The following CNTLN variants were observed in gnomAD, a reference collection of about 807,000 sequenced individuals.
CNTLN encodes the protein centlein, centrosomal protein.
Under a neutral mutation model 180.0 loss-of-function variants are expected in CNTLN, and 212 were observed. That is an observed-to-expected ratio of 1.18 (90% CI 1.05 to 1.32). The LOEUF (loss-of-function observed/expected upper bound fraction) is 1.32. Among genes scored for constraint, CNTLN ranks in the 40% most tolerant of loss-of-function variants. The probability of loss-of-function intolerance (pLI) is 0.00; values close to 1 mark genes in which losing one functional copy is unlikely to be tolerated. For synonymous variants in CNTLN, 722 were observed against 563.1 expected (o/e 1.28, Z -3.99); for missense variants, 2,095 against 1,610.9 (o/e 1.30, Z -5.14).
intron 5 of CNTLN, among the ~76,000 whole-genome samples, chr9:17,243,375 C>G (rs1364161689): frequency 6.6e-6 from 1 of 151,914 alleles, no homozygotes; most frequent in Non-Finnish European, 1.5e-5. Flanking sequence ...TTTGTTTGCT[C>G]TTGCTTTTCT....
chr9:17,328,399 G>A (rs554443491), intron 8 of CNTLN, among the ~76,000 whole-genome samples: 13 of 152,296 alleles, frequency 8.5e-5, no homozygotes, highest in Admixed American at 2.6e-4. Context: ...TGAAAAATCA[G>A]TAAATCTAGC....
At chr9:17,202,659 T>G (rs879097818) in intron 2 of CNTLN, among the ~76,000 whole-genome samples, 3 of 146,544 alleles carry the variant, frequency 2.0e-5, no homozygotes, top group Admixed American at 2.0e-4. Flanking sequence ...TTTTTTTTTT[T>G]TTTTTTTTTT....
At chr9:17,498,057 A>AT (rs1319267206) in intron 25 of CNTLN, among the ~76,000 whole-genome samples, 1 of 152,138 alleles carries the variant, frequency 6.6e-6, no homozygotes, top group Non-Finnish European at 1.5e-5. Flanking sequence ...TAAAAGTCAC[A>AT]TTTTATCTTA....
chr9:17,462,618 T>A (rs1026412228), intron 19 of CNTLN, among the ~76,000 whole-genome samples: 19 of 151,684 alleles, frequency 1.3e-4, no homozygotes, highest in African/African-American at 4.6e-4. Context: ...ATTATTCACA[T>A]ATTTACATTA....
chr9:17,332,604 G>A lies in CNTLN; in HGVS notation c.1519-1G>A. On this transcript the variant is annotated splice_acceptor_variant, in intron 9 of 25. Transcript: ENST00000380647. LOFTEE classifies it high-confidence loss of function. The stretch of plus-strand genomic sequence containing the variant: ...AACCATGTCCTTGTTTTATTCTCGA[G>A]GAACCACCTGTGAAACGTTCAAGGT... The A allele has an allele frequency of 1.9e-6, 3 of 1,600,818 alleles. No homozygotes were observed. The highest frequency in any genetic ancestry group is 2.3e-5 in the South Asian group (2 of 88,212).
At chr9:17,435,919 T>C (rs901004989) in intron 18 of CNTLN, among the ~76,000 whole-genome samples, 2 of 151,998 alleles carry the variant, frequency 1.3e-5, no homozygotes, top group African/African-American at 4.8e-5. Context: ...GGTAACAAAT[T>C]CCCTAGCCCT....
chr9:17,155,853 C>T (rs990313223), intron 2 of CNTLN, among the ~76,000 whole-genome samples: 1 of 152,052 alleles, frequency 6.6e-6, no homozygotes, highest in Non-Finnish European at 1.5e-5. Flanking sequence ...TGCTTGAAAC[C>T]CAGGGCCCTG....
chr9:17,411,678 G>A (rs1027827987), intron 16 of CNTLN, among the ~76,000 whole-genome samples: 5 of 152,116 alleles, frequency 3.3e-5, no homozygotes, highest in East Asian at 3.9e-4. Flanking sequence ...CATGAACCCC[G>A]CTGTGAACTG....
In CNTLN at chr9:17,210,812, T is replaced by A. The variant is rs1587161125; in HGVS notation, c.450-15391T>A. ...GCATTTCTTTGATGGCCAGTGATGATGAGCATTTTTTCATGTGTCTGTTGG... is the reference window on the plus strand; with the variant it reads ...GCATTTCTTTGATGGCCAGTGATGAAGAGCATTTTTTCATGTGTCTGTTGG... On this transcript the variant is annotated intron_variant, in intron 2 of 25. Coordinates refer to ENST00000380647, the MANE Select transcript of CNTLN (RefSeq NM_017738.4). Among the ~76,000 whole-genome samples the A allele has an allele frequency of 1.3e-5, 2 of 152,360 alleles. 1 individual carries two copies. The highest frequency in any genetic ancestry group is 6.8e-3 in the Middle Eastern group (2 of 294).
intron 23 of CNTLN, among the ~76,000 whole-genome samples, chr9:17,480,186 A>G (rs1210129215): frequency 6.6e-6 from 1 of 152,104 alleles, no homozygotes; most frequent in Non-Finnish European, 1.5e-5. Flanking sequence ...GCAAGACCCC[A>G]TCTCTAAAAA....
At chr9:17,471,183 A>C (rs1279400296) in intron 23 of CNTLN, among the ~76,000 whole-genome samples, 1 of 152,020 alleles carries the variant, frequency 6.6e-6, no homozygotes, top group Non-Finnish European at 1.5e-5. Context: ...TTATCCCAAA[A>C]ACCATGATGG....
chr9:17,498,016 T>A (rs1833548811), intron 25 of CNTLN, among the ~76,000 whole-genome samples: 1 of 152,176 alleles, frequency 6.6e-6, no homozygotes. Flanking sequence ...TCATAAAATT[T>A]TATATTCTTC....
Position 17,464,519 on chromosome 9 carries a change from A to G in CNTLN, c.3427A>G (p.Ile1143Val). 2 of 1,532,860 alleles carry G rather than the reference A, an allele frequency of 1.3e-6. No homozygotes were observed. The highest frequency in any genetic ancestry group is 8.7e-7 in the Non-Finnish European group (1 of 1,150,028). The allele number at this position is 1,532,860 out of a possible 1,614,324, so 95.0% of individuals were successfully genotyped here. The change falls in exon 21 of 26, where the codon ATA becomes GTA. Residue 1143 changes from isoleucine (I) to valine (V), a missense_variant. Physicochemically the swap from Ile to Val is conservative, Grantham distance 29. Coordinates refer to ENST00000380647, the MANE Select transcript of CNTLN (RefSeq NM_017738.4). ...AAGGATATCTCGAATGGAGAGGGAT[A>G]TAACTATGAAAAGACATTTGATAGA... ...HEKISRMERD[I>V]TMKRHLIEDL...
At chr9:17,283,437 A>C (rs1828785642) in intron 6 of CNTLN, among the ~76,000 whole-genome samples, 1 of 151,980 alleles carries the variant, frequency 6.6e-6, no homozygotes, top group African/African-American at 2.4e-5. Context: ...TGATTTTTGC[A>C]GTTGATTTTG....
intron 2 of CNTLN, among the ~76,000 whole-genome samples, chr9:17,210,610 T>A (rs1823232154): frequency 1.3e-5 from 2 of 152,210 alleles, no homozygotes; most frequent in South Asian, 4.1e-4. Flanking sequence ...GTATTTCTAG[T>A]TCTAGATCCT....
At chr9:17,165,383 G>A in intron 2 of CNTLN, among the ~76,000 whole-genome samples, 1 of 152,184 alleles carries the variant, frequency 6.6e-6, no homozygotes, top group Admixed American at 6.5e-5. Context: ...TAGAGAAAAG[G>A]TGACAGTGGA....
chr9:17,235,795 G>GT lies in CNTLN; in HGVS notation c.669+4dup. 6.2e-7 allele frequency: 1 copy of GT among 1,600,706 alleles called. No individual in the cohort carries two copies. Among genetic ancestry groups the GT allele is most frequent in the South Asian group, 1.1e-5 (1 of 88,122 alleles). The stretch of plus-strand genomic sequence containing the variant: ...AAGATAAAAGTCAAGAAATTAAGGT[G>GT]TGTTGACTTGTACATAGTTTTGTGG... On this transcript the variant is annotated splice_donor_region_variant and intron_variant, in intron 4 of 25. Transcript: ENST00000380647.
chr9:17,269,825 A>C (rs1402588434), intron 5 of CNTLN, among the ~76,000 whole-genome samples: 1 of 152,112 alleles, frequency 6.6e-6, no homozygotes, highest in Non-Finnish European at 1.5e-5. Context: ...GTTCTAGACC[A>C]CCACAATAAA....
At chr9:17,352,919 C>G (rs1822499898) in intron 12 of CNTLN, among the ~76,000 whole-genome samples, 1 of 152,034 alleles carries the variant, frequency 6.6e-6, no homozygotes, top group African/African-American at 2.4e-5. Context: ...GAATAATATC[C>G]CTTTGTTTAT....
Sources: allele counts gnomAD v4.1 joint callset (sites outside exome capture counted in the v4.1 genomes callset), GRCh38; gene constraint gnomAD v4.1.1; transcripts MANE v1.5; gene names NCBI Gene and HGNC (gene_info 2026-07-23, HGNC 2026-07-21).